The following CNTN5 variants were observed in gnomAD, a reference collection of about 807,000 sequenced individuals.
The protein encoded by CNTN5 is contactin 5, also known as contactin-5.
CNTN5 carries 77 observed loss-of-function variants against 129.1 expected under a neutral mutation model. That is an observed-to-expected ratio of 0.60 (90% CI 0.50 to 0.72). CNTN5 has a LOEUF of 0.72. Among genes scored for constraint, CNTN5 ranks in the 30% least tolerant of loss-of-function variants. The probability of loss-of-function intolerance (pLI) is 0.00; values close to 1 mark genes in which losing one functional copy is unlikely to be tolerated. For synonymous variants in CNTN5, 509 were observed against 465.6 expected, an observed-to-expected ratio of 1.09 and a Z score of -1.20; for missense variants, 1,478 against 1,328.8, an observed-to-expected ratio of 1.11 and a Z score of -1.75.
chr11:99,189,042 T>C (rs1328379222), intron 1 of CNTN5, among the ~76,000 whole-genome samples: 3 of 151,722 alleles, frequency 2.0e-5, no homozygotes, highest in African/African-American at 7.2e-5. Context: ...CCTTCTGTGA[T>C]TTTTGACTTT....
chr11:99,845,119 A>C lies in CNTN5; in HGVS notation c.434A>C (p.Glu145Ala). The C allele has an allele frequency of 6.2e-7, 1 of 1,613,750 alleles. No homozygotes were observed. Among genetic ancestry groups the C allele is most frequent in the Non-Finnish European group, 8.5e-7 (1 of 1,179,802 alleles). Reference protein sequence around the residue: ...WLRNGTEIDLESDYRYSLIDG... With the variant: ...WLRNGTEIDLASDYRYSLIDG... ...CGAAATGGAACAGAAATAGATCTGG[A>C]AAGTGATTATCGCTACAGTTTGATA... The change falls in exon 6 of 25, where the codon GAA becomes GCA. Residue 145 changes from glutamate to alanine, a missense_variant. Transcript: ENST00000524871.
At chr11:99,198,365 C>T (rs1373506975) in intron 1 of CNTN5, among the ~76,000 whole-genome samples, 1 of 152,104 alleles carries the variant, frequency 6.6e-6, no homozygotes, top group Admixed American at 6.5e-5. Flanking sequence ...AAACAGATTA[C>T]ATAATGTTTG....
chr11:100,270,893 CTT>C (rs1156940534), intron 17 of CNTN5, among the ~76,000 whole-genome samples, 197 bp from the exon 18 acceptor site: 3 of 152,186 alleles, frequency 2.0e-5, no homozygotes, highest in Non-Finnish European at 4.4e-5. Context: ...CTCCAACAAA[CTT>C]TGACATATGT....
At chr11:100,252,955 A>T (rs1949998263) in intron 16 of CNTN5, among the ~76,000 whole-genome samples, 1 of 152,178 alleles carries the variant, frequency 6.6e-6, no homozygotes, top group East Asian at 1.9e-4. Flanking sequence ...TACTGAGTCA[A>T]ACAGTCACAG....
chr11:100,238,516 A>AGAAGAGGAGGGGGAAGAAGAGGAG (rs1949670664), intron 16 of CNTN5, among the ~76,000 whole-genome samples: 1 of 136,110 alleles, frequency 7.3e-6, no homozygotes, highest in African/African-American at 2.7e-5. Flanking sequence ...AGAAGGGGGA[A>AGAAGAGGAGGGGGAAGAAGAGGAG]GAGGAGGAGG....
At chr11:99,889,333 TG>T (rs1555147184) in intron 6 of CNTN5, among the ~76,000 whole-genome samples, 37 of 61,622 alleles carry the variant, frequency 6.0e-4, no homozygotes, top group African/African-American at 9.8e-4. Flanking sequence ...TGTGTGTGTG[TG>T]TGTGTGTGTG....
chr11:99,368,605 C>T (rs554807296), intron 2 of CNTN5, among the ~76,000 whole-genome samples: 1 of 152,134 alleles, frequency 6.6e-6, no homozygotes, highest in Non-Finnish European at 1.5e-5. Context: ...GTGTTTATAA[C>T]ATATTGAACA....
chr11:99,580,071 G>A (rs1949518520), intron 3 of CNTN5, among the ~76,000 whole-genome samples: 1 of 152,068 alleles, frequency 6.6e-6, no homozygotes. Context: ...GGCCTTTTCT[G>A]TATCTATTGA....
chr11:99,847,139 A>AT (rs1947725402), intron 6 of CNTN5, among the ~76,000 whole-genome samples: 1 of 152,258 alleles, frequency 6.6e-6, no homozygotes, highest in Admixed American at 6.5e-5. Flanking sequence ...GATACAAGGT[A>AT]TACCAGTTAG....
At chr11:99,322,696 C>G (rs2136000918) in intron 1 of CNTN5, among the ~76,000 whole-genome samples, 1 of 152,006 alleles carries the variant, frequency 6.6e-6, no homozygotes, top group East Asian at 1.9e-4. Flanking sequence ...GGATAAGGGA[C>G]AAATTTTTGT....
chr11:100,217,983 T>C, intron 15 of CNTN5, among the ~76,000 whole-genome samples: 1 of 152,242 alleles, frequency 6.6e-6, no homozygotes, highest in East Asian at 1.9e-4. Flanking sequence ...CTTCTACCTC[T>C]AGGACTGTAA....
At chr11:99,172,171 T>C (rs1266081081) in intron 1 of CNTN5, among the ~76,000 whole-genome samples, 1 of 151,170 alleles carries the variant, frequency 6.6e-6, no homozygotes, top group Non-Finnish European at 1.5e-5. Context: ...CATAGTGATA[T>C]TGCTTAAATC....
chr11:99,522,231 G>C (rs1211169101), intron 2 of CNTN5, among the ~76,000 whole-genome samples: 1 of 152,028 alleles, frequency 6.6e-6, no homozygotes, highest in African/African-American at 2.4e-5. Context: ...TTTGAATAGA[G>C]CAAGTTTATA....
intron 7 of CNTN5, among the ~76,000 whole-genome samples, chr11:99,938,327 TAAAC>T (rs149135048): frequency 0.011 from 1,632 of 152,262 alleles, 16 homozygotes; most frequent in Non-Finnish European, 0.016. Context: ...AAAATGAAGA[TAAAC>T]AATAATATTA....
At chr11:99,591,988 T>G (rs1323725628) in intron 3 of CNTN5, among the ~76,000 whole-genome samples, 1 of 152,204 alleles carries the variant, frequency 6.6e-6, no homozygotes, top group African/African-American at 2.4e-5. Flanking sequence ...CAAGGGCAAT[T>G]CCTAAGTTTT....
At chr11:100,124,982 T>G (rs566410566) in intron 13 of CNTN5, among the ~76,000 whole-genome samples, 24 of 152,180 alleles carry the variant, frequency 1.6e-4, no homozygotes, top group East Asian at 9.7e-4. Flanking sequence ...TCCTCATAAT[T>G]TCTGATTCTG....
intron 1 of CNTN5, among the ~76,000 whole-genome samples, chr11:99,192,413 CTA>C (rs929680975): frequency 3.7e-4 from 56 of 151,026 alleles, no homozygotes; most frequent in Non-Finnish European, 4.7e-4. Flanking sequence ...TTCTTTTTTC[CTA>C]TGTTTTTCTT....
chr11:100,002,564 T>C (rs1391574073), intron 9 of CNTN5, among the ~76,000 whole-genome samples: 1 of 152,166 alleles, frequency 6.6e-6, no homozygotes, highest in Admixed American at 6.5e-5. Context: ...AATAGTTACA[T>C]AGTGATCCTG....
intron 3 of CNTN5, among the ~76,000 whole-genome samples, chr11:99,671,287 G>T (rs969468678): frequency 3.3e-5 from 5 of 152,016 alleles, no homozygotes; most frequent in African/African-American, 9.7e-5. Flanking sequence ...TATTGCCACT[G>T]CCCAGTACAG....
Sources: allele counts gnomAD v4.1 joint callset (sites outside exome capture counted in the v4.1 genomes callset), GRCh38; gene constraint gnomAD v4.1.1; transcripts MANE v1.5; gene names NCBI Gene and HGNC (gene_info 2026-07-23, HGNC 2026-07-21).